Variants in ADGRD1 observed in about 807,000 individuals in gnomAD.
The protein encoded by ADGRD1 is adhesion G protein-coupled receptor D1, also known as G-protein coupled receptor 133.
A neutral mutation model predicts 113.4 loss-of-function variants in ADGRD1; 77 were observed. That is an observed-to-expected ratio of 0.68 (90% CI 0.57 to 0.82). ADGRD1 has a LOEUF of 0.82. ADGRD1 is among the 40% of genes least tolerant of loss of function. The pLI, the probability that ADGRD1 is intolerant of heterozygous loss-of-function variation, is 0.00. For missense variants in ADGRD1, 1,036 were observed against 1,139.1 expected (o/e 0.91, Z 1.30); for synonymous variants, 474 against 475.0 (o/e 1.00, Z 0.03).
chr12:130,990,701 T>G, intron 6 of ADGRD1: 1 of 252,224 alleles, frequency 4.0e-6, no homozygotes, highest in Non-Finnish European at 7.6e-6. Context: ...CTATTTCTTT[T>G]GGTTCTTTAT....
At chr12:130,964,069 T>C (rs1260443992) in intron 2 of ADGRD1, among the ~76,000 whole-genome samples, 1 of 152,194 alleles carries the variant, frequency 6.6e-6, no homozygotes, top group African/African-American at 2.4e-5. Context: ...TATTTCTTTT[T>C]CATTGAACTA....
intron 12 of ADGRD1, among the ~76,000 whole-genome samples, chr12:131,011,802 G>A (rs1414621808): frequency 2.6e-5 from 4 of 152,246 alleles, no homozygotes; most frequent in Non-Finnish European, 4.4e-5. Flanking sequence ...GAGCTCTGCA[G>A]AAAAGGCCAC....
At position 130,981,979 on chromosome 12, in the gene ADGRD1, G is replaced by C; in HGVS notation, c.406G>C (p.Val136Leu). 6.2e-7 allele frequency: 1 copy of C among 1,613,848 alleles called. No homozygotes were observed. The highest frequency in any genetic ancestry group is 8.5e-7 in the Non-Finnish European group (1 of 1,179,744). ...ACAGGTCATCTCCAATGGGTTCAAA[G>C]TCTGCTCCAGCGGTGGCAGAGGCTC... ...GGQVISNGFK[V>L]CSSGGRGSVE... Residue 136 changes from valine (V) to leucine (L), a missense_variant, in exon 5 of 25, where the codon GTC becomes CTC. By Grantham distance (32) the Val-to-Leu change is conservative (BLOSUM62 1). Transcript: ENST00000261654.
intron 5 of ADGRD1, among the ~76,000 whole-genome samples, chr12:130,985,614 G>A (rs568670243): frequency 2.0e-4 from 31 of 151,782 alleles, no homozygotes; most frequent in South Asian, 4.2e-4. Flanking sequence ...GCAATGGGGC[G>A]ATCTCGGCTC....
chr12:130,968,249 C>T (rs1871238848), intron 3 of ADGRD1: 1 of 152,304 alleles, frequency 6.6e-6, no homozygotes, highest in Admixed American at 6.5e-5. Flanking sequence ...TACAGTTACA[C>T]ACTGTGGCTG....
intron 4 of ADGRD1, among the ~76,000 whole-genome samples, chr12:130,974,714 T>A (rs1872098974): frequency 6.6e-6 from 1 of 152,218 alleles, no homozygotes; most frequent in Non-Finnish European, 1.5e-5. Context: ...AGCGATTTTT[T>A]AACAAATAAT....
chr12:130,984,570 C>A lies in ADGRD1; in HGVS notation c.490+2507C>A, dbSNP rs912517146. 3.3e-5 allele frequency among the ~76,000 whole-genome samples: 5 copies of A among 152,154 alleles called. No homozygotes were observed. Among genetic ancestry groups the A allele is most frequent in the African/African-American group, 9.7e-5 (4 of 41,430 alleles). ...GCCTCTACACAGGCACAGCTTCCCC[C>A]ACTATGGACATTCCCCCACCAGAAT... On this transcript the variant is annotated intron_variant, in intron 5 of 24. Coordinates refer to ENST00000261654, the MANE Select transcript of ADGRD1 (RefSeq NM_198827.5). This position sits in a 1 kb window ranked among gnomAD's most constrained non-coding sequence, Gnocchi z 4.1.
chr12:130,958,212 T>C (rs1481063623), intron 2 of ADGRD1, among the ~76,000 whole-genome samples: 1 of 135,118 alleles, frequency 7.4e-6, no homozygotes, highest in African/African-American at 2.7e-5. Context: ...CCTTTCTTTT[T>C]TTTTTGAGAC....
chr12:130,961,043 G>T (rs922795668), intron 2 of ADGRD1, among the ~76,000 whole-genome samples: 2 of 152,204 alleles, frequency 1.3e-5, no homozygotes, highest in African/African-American at 2.4e-5. Flanking sequence ...CCCGACCATC[G>T]GCAGGGGCCG....
Position 131,003,385 on chromosome 12 carries a change from T to G in ADGRD1, c.1144+83T>G. On this transcript the variant is annotated intron_variant, in intron 10 of 24. Transcript: ENST00000261654. The surrounding 1 kb of genome is among the most constrained non-coding windows in gnomAD (Gnocchi z 4.8). ...TTCACTGCCTGTCTTTTTACACCCT[T>G]AGCAGAGAGCCATGCTCTGTCTCCC... 1.1e-6 allele frequency: 1 copy of G among 938,630 alleles called. No homozygotes were observed. The highest frequency in any genetic ancestry group is 1.7e-6 in the Non-Finnish European group (1 of 579,362). 58.1% of individuals were successfully genotyped at this position (938,630 alleles called of 1,614,324 possible). A position where few individuals can be genotyped will look rare whatever the true frequency, so the allele number is the denominator to read the frequency against.
intron 21 of ADGRD1, 55 bp downstream of exon 21, chr12:131,131,871 G>A: frequency 3.4e-6 from 4 of 1,171,900 alleles, no homozygotes; most frequent in South Asian, 1.2e-5. Context: ...CCCAGAGGAT[G>A]CTTTGAGGTC....
rs547188448 is a variant in ADGRD1 at position 131,002,571 on chromosome 12, C to G, written c.1027-614C>G. 5 of 1,043,642 alleles carry G rather than the reference C, an allele frequency of 4.8e-6. No individual in the cohort carries two copies. In the East Asian group the frequency reaches 4.3e-4, roughly 89 times the overall value. The allele number at this position is 1,043,642 out of a possible 1,614,324, so 64.6% of individuals were successfully genotyped here. A position where few individuals can be genotyped will look rare whatever the true frequency, so the allele number is the denominator to read the frequency against. The stretch of plus-strand genomic sequence containing the variant: ...TCAGCAGGGCTTAAGAGAGGCCTCT[C>G]CCCTGGTGATGTGTGTCTGAGGATG... On this transcript the variant is annotated intron_variant, in intron 9 of 24. Coordinates refer to ENST00000261654, the MANE Select transcript of ADGRD1 (RefSeq NM_198827.5).
intron 2 of ADGRD1, chr12:130,957,321 A>T (rs1267179587): frequency 6.6e-6 from 1 of 152,376 alleles, no homozygotes; most frequent in Non-Finnish European, 1.5e-5. Flanking sequence ...ACACATTCAC[A>T]AAAGTCCACG....
intron 11 of ADGRD1, among the ~76,000 whole-genome samples, chr12:131,005,719 T>C (rs1401995185): frequency 6.6e-6 from 1 of 152,190 alleles, no homozygotes; most frequent in Non-Finnish European, 1.5e-5. Flanking sequence ...AGCCTGGCCC[T>C]CCCTGGGGGG....
At chr12:131,032,646 A>G (rs1454238974) in intron 13 of ADGRD1, among the ~76,000 whole-genome samples, 1 of 152,208 alleles carries the variant, frequency 6.6e-6, no homozygotes, top group Non-Finnish European at 1.5e-5. Context: ...AGTGACGATT[A>G]TGCTTATTAG....
intron 12 of ADGRD1, among the ~76,000 whole-genome samples, chr12:131,010,372 T>C (rs1327010884): frequency 6.6e-6 from 1 of 152,202 alleles, no homozygotes; most frequent in African/African-American, 2.4e-5. Context: ...CCAGGGAATA[T>C]TTTCATTTGC....
chr12:130,960,566 A>T (rs912662614), intron 2 of ADGRD1, among the ~76,000 whole-genome samples: 19 of 151,770 alleles, frequency 1.3e-4, no homozygotes, highest in African/African-American at 3.6e-4. Context: ...TTATTTATTT[A>T]TTTTTGCATT....
intron 19 of ADGRD1, among the ~76,000 whole-genome samples, chr12:131,119,890 G>C (rs1212693121): frequency 2.0e-5 from 3 of 152,170 alleles, no homozygotes. Flanking sequence ...CCATCTCCTG[G>C]TCCGGGAGGC....
intron 13 of ADGRD1, among the ~76,000 whole-genome samples, chr12:131,073,476 G>A (rs565885244): frequency 1.5e-4 from 23 of 152,214 alleles, no homozygotes; most frequent in South Asian, 1.0e-3. Context: ...TCAGTATTTC[G>A]GCTCCTTATA....
Sources: allele counts gnomAD v4.1 joint callset (sites outside exome capture counted in the v4.1 genomes callset), GRCh38; gene constraint gnomAD v4.1.1; non-coding constraint Gnocchi (gnomAD v3.1); transcripts MANE v1.5; gene names NCBI Gene and HGNC (gene_info 2026-07-23, HGNC 2026-07-21).